The following MAGI2 variants were observed in gnomAD, a reference collection of about 807,000 sequenced individuals.
MAGI2 encodes membrane-associated guanylate kinase, WW and PDZ domain-containing protein 2.
Under a neutral mutation model 133.3 loss-of-function variants are expected in MAGI2, and 35 were observed. The observed-to-expected ratio is 0.26, with a 90% CI of 0.20 to 0.35. MAGI2 has a LOEUF of 0.35. Ranked by LOEUF, MAGI2 falls within the 10% of genes least tolerant of loss-of-function variation. The pLI is 1.00. For synonymous variants in MAGI2, 729 were observed against 710.6 expected (o/e 1.03, Z -0.41); for missense variants, 1,636 against 1,863.4 (o/e 0.88, Z 2.25).
intron 1 of MAGI2, among the ~76,000 whole-genome samples, chr7:79,424,888 A>G (rs1847230305): frequency 1.3e-5 from 2 of 152,104 alleles, no homozygotes; most frequent in Admixed American, 6.5e-5. Flanking sequence ...ATTTCCATTC[A>G]CATTCATGCC....
chr7:78,037,050 T>G (rs1431909077), intron 21 of MAGI2, among the ~76,000 whole-genome samples: 1 of 152,160 alleles, frequency 6.6e-6, no homozygotes, highest in Non-Finnish European at 1.5e-5. Context: ...ACAGAGAACC[T>G]GGTAGATCTG....
At chr7:78,711,058 T>C (rs1242907505) in intron 2 of MAGI2, among the ~76,000 whole-genome samples, 1 of 152,178 alleles carries the variant, frequency 6.6e-6, no homozygotes. Context: ...CAACATCACT[T>C]GTAAGGACTT....
At chr7:79,321,075 T>C (rs1378032013) in intron 1 of MAGI2, among the ~76,000 whole-genome samples, 1 of 152,128 alleles carries the variant, frequency 6.6e-6, no homozygotes, top group Non-Finnish European at 1.5e-5. Context: ...TGGACATAAT[T>C]TGGATAACAA....
intron 20 of MAGI2, among the ~76,000 whole-genome samples, chr7:78,085,746 G>A (rs1563102271): frequency 6.6e-6 from 1 of 152,118 alleles, no homozygotes; most frequent in African/African-American, 2.4e-5. Flanking sequence ...AAGGTGAGGG[G>A]AAAAAGCTGC....
intron 6 of MAGI2, 24 bp from the exon 7 acceptor site, chr7:78,369,237 GTAAA>G (rs763418504): frequency 4.6e-6 from 7 of 1,508,642 alleles, no homozygotes; most frequent in Non-Finnish European, 6.4e-6. Flanking sequence ...AGTTCTTTCA[GTAAA>G]TAAAGAATAT....
At chr7:78,557,903 T>C (rs1230564390) in intron 3 of MAGI2, among the ~76,000 whole-genome samples, 1 of 152,116 alleles carries the variant, frequency 6.6e-6, no homozygotes, top group Non-Finnish European at 1.5e-5. Context: ...ACAAATGTCA[T>C]CTCTATAAAG....
chr7:78,634,450 C>G (rs1015584954), intron 2 of MAGI2, among the ~76,000 whole-genome samples: 1 of 152,076 alleles, frequency 6.6e-6, no homozygotes, highest in East Asian at 1.9e-4. Flanking sequence ...GTTGATGTTA[C>G]GTCAATGGGC....
chr7:78,091,052 ATGTGTGTGTG>A (rs3084764), intron 20 of MAGI2, among the ~76,000 whole-genome samples: 3,178 of 150,112 alleles, frequency 0.021, 44 homozygotes, highest in Middle Eastern at 0.071. Context: ...ATGTGTGTGT[ATGTGTGTGTG>A]TGTGTGTGTG....
chr7:78,148,860 G>C (rs564055084), intron 16 of MAGI2, among the ~76,000 whole-genome samples: 98 of 152,216 alleles, frequency 6.4e-4, no homozygotes, highest in African/African-American at 2.2e-3. Context: ...TCTATGCTAG[G>C]GGTTTGGAAT....
chr7:78,908,941 A>G (rs867648658), intron 2 of MAGI2, among the ~76,000 whole-genome samples: 10 of 152,346 alleles, frequency 6.6e-5, no homozygotes, highest in African/African-American at 2.4e-4. Flanking sequence ...AGCAATTGCA[A>G]CAAAAGCCAT....
chr7:79,114,104 T>G (rs1819180139), intron 1 of MAGI2, among the ~76,000 whole-genome samples: 1 of 152,186 alleles, frequency 6.6e-6, no homozygotes, highest in Admixed American at 6.5e-5. Context: ...ATTCTAGATT[T>G]CCTACTTCAG....
chr7:78,162,568 TCTTTGCAGTAAAAGG>T (rs1264415010), intron 15 of MAGI2, among the ~76,000 whole-genome samples: 1 of 151,130 alleles, frequency 6.6e-6, no homozygotes, highest in Non-Finnish European at 1.5e-5. Context: ...GAATTATCTG[TCTTTGCAGTAAAAGG>T]CTGGGAGTGG....
At chr7:78,421,078 G>A (rs1340664853) in intron 6 of MAGI2, among the ~76,000 whole-genome samples, 2 of 152,184 alleles carry the variant, frequency 1.3e-5, no homozygotes, top group Non-Finnish European at 2.9e-5. Flanking sequence ...AAATTGTGGA[G>A]CTGTTGGCCA....
chr7:78,113,421 G>C (rs376110330), intron 20 of MAGI2, among the ~76,000 whole-genome samples: 4 of 152,164 alleles, frequency 2.6e-5, no homozygotes, highest in East Asian at 3.8e-4. Context: ...TGAGTAGTGA[G>C]TACAGTCGTG....
chr7:78,151,431 G>A (rs928158410), intron 16 of MAGI2, among the ~76,000 whole-genome samples: 9 of 152,108 alleles, frequency 5.9e-5, no homozygotes, highest in African/African-American at 1.9e-4. Context: ...GATGGATGAC[G>A]GTTCCAAGGG....
At chr7:79,082,161 A>G (rs1381333295) in intron 1 of MAGI2, among the ~76,000 whole-genome samples, 1 of 152,094 alleles carries the variant, frequency 6.6e-6, no homozygotes, top group Non-Finnish European at 1.5e-5. Context: ...TTCTTCCATC[A>G]CATGAGTTCC....
intron 1 of MAGI2, among the ~76,000 whole-genome samples, chr7:79,298,236 T>C (rs1256650750): frequency 3.9e-5 from 6 of 152,308 alleles, no homozygotes; most frequent in Admixed American, 2.6e-4. Context: ...AATTTATTTT[T>C]AAAATGCAAA....
At chr7:79,069,809 A>C (rs1190833842) in intron 1 of MAGI2, among the ~76,000 whole-genome samples, 1 of 152,178 alleles carries the variant, frequency 6.6e-6, no homozygotes, top group Non-Finnish European at 1.5e-5. Flanking sequence ...GGTGGTGACA[A>C]AATCTCTCAG....
At chr7:79,000,243 T>C (rs535175755) in intron 2 of MAGI2, 5 of 152,304 alleles carry the variant, frequency 3.3e-5, no homozygotes, top group South Asian at 4.1e-4. Flanking sequence ...TTTCTTTCCA[T>C]TGGAATAAGA....
Sources: allele counts gnomAD v4.1 joint callset (sites outside exome capture counted in the v4.1 genomes callset), GRCh38; gene constraint gnomAD v4.1.1; transcripts MANE v1.5; gene names NCBI Gene and HGNC (gene_info 2026-07-23, HGNC 2026-07-21).